The following ROBO2 variants were observed in gnomAD, a reference collection of about 807,000 sequenced individuals.
ROBO2 encodes roundabout guidance receptor 2, also known as roundabout homolog 2.
A neutral mutation model predicts 160.8 loss-of-function variants in ROBO2; 53 were observed. The observed-to-expected ratio is 0.33, with a 90% CI of 0.26 to 0.41. ROBO2 has a LOEUF of 0.41. ROBO2 is among the 10% of genes least tolerant of loss of function. ROBO2 has a pLI of 1.00. For missense variants in ROBO2, 1,577 were observed against 1,722.4 expected, an observed-to-expected ratio of 0.92 and a Z score of 1.49; for synonymous variants, 664 against 611.7, an observed-to-expected ratio of 1.09 and a Z score of -1.26.
intron 6 of ROBO2, among the ~76,000 whole-genome samples, chr3:77,535,352 A>T (rs1445621321): frequency 6.6e-6 from 1 of 151,862 alleles, no homozygotes; most frequent in Admixed American, 6.6e-5. Context: ...GTGAAAATGG[A>T]TGTCTTGTCT....
chr3:76,602,317 T>C lies in ROBO2; in HGVS notation c.110-495697T>C, dbSNP rs552952804. ...TTCCAACCTCCGCCTGTTACCCAGT[T>C]CCAAAGTCGCTTCCACATTTTTGGG... On this transcript the variant is annotated intron_variant, in intron 2 of 26. Coordinates refer to the ROBO2 transcript ENST00000487694. Among the ~76,000 whole-genome samples the C allele has an allele frequency of 3.3e-5, 5 of 152,272 alleles. No homozygotes were observed. In the South Asian group the frequency reaches 1.0e-3, roughly 32 times the overall value.
chr3:76,308,928 T>G (rs1400354484), intron 2 of ROBO2, among the ~76,000 whole-genome samples: 1 of 152,232 alleles, frequency 6.6e-6, no homozygotes, highest in Non-Finnish European at 1.5e-5. Flanking sequence ...CAGGAAAGAA[T>G]GATTTTCTTA....
chr3:76,967,309 G>A (rs184132668), intron 2 of ROBO2, among the ~76,000 whole-genome samples: 46 of 151,014 alleles, frequency 3.0e-4, no homozygotes, highest in Admixed American at 6.0e-4. Flanking sequence ...AAGTTCAAGC[G>A]ATTTTTCCAC....
intron 2 of ROBO2, among the ~76,000 whole-genome samples, chr3:76,944,770 A>C (rs1017748141): frequency 6.6e-6 from 1 of 152,188 alleles, no homozygotes; most frequent in Non-Finnish European, 1.5e-5. Context: ...AATTATCAGA[A>C]TTGTAACAGC....
intron 2 of ROBO2, among the ~76,000 whole-genome samples, chr3:77,465,140 T>TAC (rs2082640876): frequency 1.3e-5 from 2 of 151,832 alleles, no homozygotes; most frequent in African/African-American, 2.4e-5. Context: ...GTAGACAGTT[T>TAC]TTAGAGGGAG....
At chr3:76,837,754 TA>T (rs1452076751) in intron 2 of ROBO2, among the ~76,000 whole-genome samples, 25 of 152,100 alleles carry the variant, frequency 1.6e-4, no homozygotes, top group African/African-American at 6.0e-4. Context: ...ATCTTGTTCA[TA>T]ACCACAGTAT....
intron 5 of ROBO2, among the ~76,000 whole-genome samples, chr3:77,514,397 T>G (rs1206407221): frequency 6.6e-6 from 1 of 151,644 alleles, no homozygotes; most frequent in Non-Finnish European, 1.5e-5. Flanking sequence ...TTTCTGGAGG[T>G]TTTGAAACTG....
intron 2 of ROBO2, among the ~76,000 whole-genome samples, chr3:77,362,682 C>T (rs1379508784): frequency 1.3e-5 from 2 of 152,100 alleles, no homozygotes; most frequent in Non-Finnish European, 2.9e-5. Context: ...GTGTATCAGT[C>T]TGTTCTCACA....
intron 2 of ROBO2, among the ~76,000 whole-genome samples, chr3:77,272,192 G>A (rs1218518780): frequency 1.3e-5 from 2 of 152,116 alleles, no homozygotes; most frequent in African/African-American, 4.8e-5. Flanking sequence ...CTTTGAAAAG[G>A]AATCCAAACT....
At chr3:76,273,051 TAA>T (rs1491484493) in intron 2 of ROBO2, among the ~76,000 whole-genome samples, 2 of 103,026 alleles carry the variant, frequency 1.9e-5, no homozygotes, top group Non-Finnish European at 3.6e-5. Flanking sequence ...ATATATTATA[TAA>T]ATATATAAAA....
intron 2 of ROBO2, among the ~76,000 whole-genome samples, chr3:77,005,993 T>C (rs1231360646): frequency 6.6e-6 from 1 of 152,200 alleles, no homozygotes; most frequent in African/African-American, 2.4e-5. Flanking sequence ...CTAGTATAAA[T>C]TATATAAAAT....
chr3:76,590,824 T>C (rs977305057), intron 2 of ROBO2, among the ~76,000 whole-genome samples: 1 of 152,122 alleles, frequency 6.6e-6, no homozygotes, highest in Non-Finnish European at 1.5e-5. Context: ...CAGACACAAA[T>C]TATACTGAAA....
intron 2 of ROBO2, among the ~76,000 whole-genome samples, chr3:76,803,097 G>A (rs912236844): frequency 3.9e-5 from 6 of 152,084 alleles, no homozygotes; most frequent in African/African-American, 1.4e-4. Flanking sequence ...ATTGTGATAA[G>A]ACCTTGAAAG....
At chr3:76,029,164 A>AG (rs1469842124) in intron 2 of ROBO2, among the ~76,000 whole-genome samples, 2 of 152,066 alleles carry the variant, frequency 1.3e-5, no homozygotes, top group African/African-American at 4.8e-5. Flanking sequence ...TAATATATTT[A>AG]GTTTTTTTGT....
chr3:76,979,994 A>G (rs368177722), intron 2 of ROBO2, among the ~76,000 whole-genome samples: 1 of 152,080 alleles, frequency 6.6e-6, no homozygotes, highest in East Asian at 1.9e-4. Context: ...TGCTGAGCTT[A>G]TAAAGGAAGA....
chr3:76,602,757 C>G (rs1028993090), intron 2 of ROBO2, among the ~76,000 whole-genome samples: 1 of 152,034 alleles, frequency 6.6e-6, no homozygotes, highest in African/African-American at 2.4e-5. Flanking sequence ...AGTTACAATT[C>G]AAGATGAGAT....
rs200510061 is a variant in ROBO2, at chr3:77,142,265, ATTC to A, written c.388+43930_388+43932del. Among the ~76,000 whole-genome samples the A allele has an allele frequency of 8.5e-3, 1,301 of 152,338 alleles. 60 individuals are homozygous for A. The highest frequency in any genetic ancestry group is 0.076 in the Admixed American group (1,168 of 15,298). On this transcript the variant is annotated intron_variant, in intron 2 of 25. Transcript: ENST00000461745. The stretch of plus-strand genomic sequence containing the variant: ...AACTTGTTAATACACTGTCCTTAAT[ATTC>A]TTCTGTATTTGATAAAGTCTTAAAC...
At chr3:77,118,527 G>A (rs1250349374) in intron 2 of ROBO2, among the ~76,000 whole-genome samples, 2 of 152,164 alleles carry the variant, frequency 1.3e-5, no homozygotes, top group African/African-American at 2.4e-5. Context: ...GTTTTACACA[G>A]TTATTTTAAA....
chr3:76,819,354 A>G (rs1368180071), intron 2 of ROBO2, among the ~76,000 whole-genome samples: 1 of 152,044 alleles, frequency 6.6e-6, no homozygotes, highest in Non-Finnish European at 1.5e-5. Context: ...GATACCTTCT[A>G]GACAAATATT....
Sources: allele counts gnomAD v4.1 joint callset (sites outside exome capture counted in the v4.1 genomes callset), GRCh38; gene constraint gnomAD v4.1.1; transcripts MANE v1.5; gene names NCBI Gene and HGNC (gene_info 2026-07-23, HGNC 2026-07-21).